The following INKA2 variants were observed in gnomAD, a reference collection of about 807,000 sequenced individuals.
INKA2 encodes PAK4-inhibitor INKA2.
INKA2 carries 3 observed loss-of-function variants against 9.8 expected under a neutral mutation model. The ratio of observed to expected loss-of-function variants is 0.31; its 90% confidence interval spans 0.14 to 0.79. INKA2 has a LOEUF of 0.79. Ranked by LOEUF, INKA2 falls within the 30% of genes least tolerant of loss-of-function variation. The probability of loss-of-function intolerance (pLI) is 0.62; values close to 1 mark genes in which losing one functional copy is unlikely to be tolerated. For synonymous variants in INKA2, 147 were observed against 143.3 expected (o/e 1.03, Z -0.18); for missense variants, 392 against 384.4 (o/e 1.02, Z -0.17).
chr1:111,740,385 G>T (rs12121908), upstream of INKA2, among the ~76,000 whole-genome samples: 1,958 of 152,238 alleles, frequency 0.013, 19 homozygotes, highest in Non-Finnish European at 0.017. Context: ...GCAGACCGGT[G>T]GGGGGTGCTC....
intron 1 of INKA2, among the ~76,000 whole-genome samples, chr1:111,750,952 T>C (rs1355921488): frequency 3.9e-5 from 6 of 152,116 alleles, no homozygotes; most frequent in Admixed American, 3.9e-4. Context: ...TAAACAACTA[T>C]GGCTTTCATG....
intron 1 of INKA2, among the ~76,000 whole-genome samples, chr1:111,735,349 GAC>G (rs1366210543): frequency 1.3e-5 from 2 of 152,186 alleles, no homozygotes; most frequent in Non-Finnish European, 2.9e-5. Flanking sequence ...CCTACGATAT[GAC>G]ACATCTGACA....
In INKA2 at chr1:111,727,725, A is replaced by T. The variant is rs1313838884; in HGVS notation, c.137T>A (p.Leu46His). The T allele has an allele frequency of 6.2e-7, 1 of 1,613,956 alleles. No individual in the cohort carries two copies. Among genetic ancestry groups the T allele is most frequent in the Admixed American group, 1.7e-5 (1 of 60,026 alleles). Reference protein sequence around the residue: ...MMGALQELKLLQVQTALEQLE... With the variant: ...MMGALQELKLHQVQTALEQLE... ...CTGTTCCAGTGCTGTCTGCACCTGGAGGAGCTTCAGTTCTTGCAGTGCACC... is the reference window on the plus strand; with the variant it reads ...CTGTTCCAGTGCTGTCTGCACCTGGTGGAGCTTCAGTTCTTGCAGTGCACC... The change falls in exon 2 of 2, where the codon CTC (leucine) becomes CAC (histidine). Residue 46 changes from leucine to histidine, a missense_variant. By Grantham distance (99) the Leu-to-His change is moderately conservative. Coordinates refer to ENST00000357260, the MANE Select transcript of INKA2 (RefSeq NM_019099.5).
intron 1 of INKA2, among the ~76,000 whole-genome samples, chr1:111,752,577 GAAAAAGTGGCTTTA>G (rs572934029): frequency 5.3e-5 from 8 of 152,278 alleles, no homozygotes; most frequent in African/African-American, 1.9e-4. Context: ...GGTCAAATGA[GAAAAAGTGGCTTTA>G]AAATCTTAAG....
At chr1:111,748,135 G>C (rs1038979971) in intron 1 of INKA2, among the ~76,000 whole-genome samples, 3 of 152,204 alleles carry the variant, frequency 2.0e-5, no homozygotes, top group Non-Finnish European at 4.4e-5. Context: ...CTTGCAGGTG[G>C]GCTGCGCTAG....
In INKA2 at chr1:111,730,210, A is replaced by T. The variant is rs565208546; in HGVS notation, c.58-2406T>A. Among the ~76,000 whole-genome samples the T allele has an allele frequency of 9.0e-4, 137 of 151,966 alleles. 1 individual carries two copies. Among genetic ancestry groups the T allele is most frequent in the African/African-American group, 3.2e-3 (131 of 41,406 alleles). ...AAGACCTGGAGCAGAGTCAGAGGAG[A>T]CTCTAAGCCCCAGACCAAACTCAGT... On this transcript the variant is annotated intron_variant, in intron 1 of 1. Coordinates refer to ENST00000357260, the MANE Select transcript of INKA2 (RefSeq NM_019099.5).
rs552591466 is a variant in INKA2 at position 111,724,903 on chromosome 1, T to A, written c.*2065A>T. The A allele has an allele frequency of 6.6e-6, 1 of 152,326 alleles. No individual in the cohort carries two copies. The highest frequency in any genetic ancestry group is 2.1e-4 in the South Asian group (1 of 4,826). 9.4% of individuals were successfully genotyped at this position (152,326 alleles called of 1,614,324 possible). A position where few individuals can be genotyped will look rare whatever the true frequency, so the allele number is the denominator to read the frequency against. On this transcript the variant is annotated 3_prime_UTR_variant, in exon 2 of 2. Transcript: ENST00000357260. ...CGCCCCCTAATAACCTCCATAGATG[T>A]GTCTGGAGAACAATGCCTTCTAGGG...
chr1:111,737,759 G>A (rs2076587), intron 1 of INKA2, among the ~76,000 whole-genome samples: 43,660 of 152,150 alleles, frequency 0.29, 7,809 homozygotes, highest in East Asian at 0.61. Context: ...TTTTGCATCT[G>A]AGTGTCACCA....
intron 1 of INKA2, among the ~76,000 whole-genome samples, chr1:111,730,401 TGTC>T (rs1000501124): frequency 8.5e-4 from 130 of 152,316 alleles, no homozygotes; most frequent in African/African-American, 2.7e-3. Context: ...CTCCCACAAA[TGTC>T]GCATATCTTT....
upstream of INKA2, chr1:111,740,081 AAC>A (rs146983416): frequency 1.2e-3 from 188 of 151,906 alleles, 2 homozygotes; most frequent in Non-Finnish European, 1.6e-3. Context: ...TAAACAGGTA[AAC>A]ACACACACAC....
chr1:111,741,873 G>A (rs370927264), upstream of INKA2, among the ~76,000 whole-genome samples: 255 of 152,198 alleles, frequency 1.7e-3, 1 homozygote, highest in Middle Eastern at 6.8e-3. Context: ...ATGCCATCAC[G>A]CCTGGCTAAT....
At chr1:111,742,973 A>AC (rs1663179021), upstream of INKA2, among the ~76,000 whole-genome samples, 1 of 152,164 alleles carries the variant, frequency 6.6e-6, no homozygotes, top group Non-Finnish European at 1.5e-5. Flanking sequence ...TGAAGAGGTA[A>AC]CTCTCATCTG....
At position 111,727,811 on chromosome 1, in the gene INKA2, G is replaced by A. The variant is rs1270652962; in HGVS notation, c.58-7C>T. 3 of 1,602,114 alleles carry A rather than the reference G, an allele frequency of 1.9e-6. No individual in the cohort carries two copies. The highest frequency in any genetic ancestry group is 1.7e-6 in the Non-Finnish European group (2 of 1,179,790). ...CCACCTCCTTCATGGACATCTGCAG[G>A]GGAGAGAGAAAGCATGGGGCCTATG... On this transcript the variant is annotated splice_region_variant and splice_polypyrimidine_tract_variant and intron_variant, in intron 1 of 1. Coordinates refer to ENST00000357260, the MANE Select transcript of INKA2 (RefSeq NM_019099.5).
rs1301837356 is a variant in INKA2, at chr1:111,725,420, G to T, written c.*1548C>A. ...AGTGGCTTCCCAGGGCAGTCCTGGG[G>T]GGGGGCCTGGATCACTAGGTGGCCC... On this transcript the variant is annotated 3_prime_UTR_variant, in exon 2 of 2. Coordinates refer to ENST00000357260, the MANE Select transcript of INKA2 (RefSeq NM_019099.5). 6.6e-5 allele frequency: 10 copies of T among 152,220 alleles called. No individual in the cohort carries two copies. Among genetic ancestry groups the T allele is most frequent in the Admixed American group, 6.5e-4 (10 of 15,278 alleles). The allele number at this position is 152,220 out of a possible 1,614,324, so 9.4% of individuals were successfully genotyped here.
At chr1:111,742,336 C>T (rs188815135), upstream of INKA2, among the ~76,000 whole-genome samples, 525 of 152,166 alleles carry the variant, frequency 3.5e-3, 4 homozygotes, top group Non-Finnish European at 5.3e-3. Flanking sequence ...CCTGTAATCC[C>T]AGGACTTTGG....
chr1:111,739,534 C>T, upstream of INKA2: 2 of 883,598 alleles, frequency 2.3e-6, no homozygotes, highest in Non-Finnish European at 3.2e-6. Flanking sequence ...CGAGGCGGAC[C>T]CTACCGCAGT....
At chr1:111,738,808 G>T (rs1172995871) in intron 1 of INKA2, among the ~76,000 whole-genome samples, 1 of 151,852 alleles carries the variant, frequency 6.6e-6, no homozygotes, top group African/African-American at 2.4e-5. Flanking sequence ...CCCGCGTCCC[G>T]CTCCCCAGGC....
At chr1:111,753,565 G>T (rs1571605724) in intron 1 of INKA2, among the ~76,000 whole-genome samples, 1 of 152,284 alleles carries the variant, frequency 6.6e-6, no homozygotes, top group South Asian at 2.1e-4. Flanking sequence ...AACTATAAAT[G>T]TTTTCTGGAA....
intron 1 of INKA2, among the ~76,000 whole-genome samples, chr1:111,728,070 C>CACACACACACACACACACACACAA: frequency 6.7e-6 from 1 of 148,278 alleles, no homozygotes. Flanking sequence ...CACACACACA[C>CACACACACACACACACACACACAA]ACAGACATTT....
Sources: gnomAD v4.1 joint callset for allele counts (sites outside exome capture counted in the v4.1 genomes callset) on GRCh38, gnomAD v4.1.1 for gene constraint, MANE v1.5 for transcripts, NCBI Gene and HGNC (gene_info 2026-07-23, HGNC 2026-07-21) for gene names.